The following OR1L8 variants were observed in gnomAD, a reference collection of about 807,000 sequenced individuals.
OR1L8 encodes the protein olfactory receptor 1L8.
For missense variants in OR1L8, 330 were observed against 377.4 expected, an observed-to-expected ratio of 0.87 and a Z score of 1.04; for synonymous variants, 148 against 147.0, an observed-to-expected ratio of 1.01 and a Z score of -0.05.
At chr9:122,556,984 T>C in the OR1L8 span, among the ~76,000 whole-genome samples, 1 of 152,148 alleles carries the variant, frequency 6.6e-6, no homozygotes, top group African/African-American at 2.4e-5. Flanking sequence ...ATCTAACAAA[T>C]TGGGGGCTGC....
chr9:122,558,311 CTTTTTTTTTTTTTTTT>C, the OR1L8 span, among the ~76,000 whole-genome samples: 815 of 34,520 alleles, frequency 0.024, 39 homozygotes, highest in Non-Finnish European at 0.025. Flanking sequence ...TTGGATTTTG[CTTTTTTTTTTTTTTTT>C]TTTTTTTTTT....
chr9:122,580,827 G>A (rs1829730605), intron 1 of OR1L8, among the ~76,000 whole-genome samples: 2 of 151,592 alleles, frequency 1.3e-5, no homozygotes, highest in Non-Finnish European at 1.5e-5. Context: ...CTAGGCTGAA[G>A]CTACTACACT....
the OR1L8 span, chr9:122,554,054 T>C: frequency 6.3e-5 from 102 of 1,613,648 alleles, no homozygotes; most frequent in Admixed American, 1.7e-3. Flanking sequence ...CTGTTCTCTA[T>C]ATGGTGATTA....
chr9:122,551,118 T>A, the OR1L8 span, among the ~76,000 whole-genome samples: 9 of 152,234 alleles, frequency 5.9e-5, no homozygotes, highest in South Asian at 1.4e-3. Flanking sequence ...CTAATAACAA[T>A]CAAGCTGAGA....
chr9:122,581,632 C>T (rs528680440), intron 1 of OR1L8, among the ~76,000 whole-genome samples: 5 of 148,742 alleles, frequency 3.4e-5, no homozygotes, highest in African/African-American at 1.0e-4. Context: ...CAGAGGTAAG[C>T]GAGTGCCAAT....
chr9:122,568,050 A>G lies in OR1L8; in HGVS notation c.428T>C (p.Val143Ala), dbSNP rs562905023. Reference protein sequence around the residue: ...YVTTMSHHHCVLLVAFSCSFP... With the variant: ...YVTTMSHHHCALLVAFSCSFP... ...TGAGCAGGAGAAGGCCACCAGCAGG[A>G]CACAGTGGTGGTGGCTCATGGTGGT... The change falls in exon 5 of 5, where the codon GTC (valine) becomes GCC (alanine). Residue 143 changes from valine to alanine, a missense_variant. Coordinates refer to ENST00000641027, the MANE Select transcript of OR1L8 (RefSeq NM_001004454.2). 1.2e-6 allele frequency: 2 copies of G among 1,613,892 alleles called. No homozygotes were observed. The highest frequency in any genetic ancestry group is 3.3e-5 in the Admixed American group (2 of 60,014).
the OR1L8 span, among the ~76,000 whole-genome samples, chr9:122,548,629 A>G: frequency 6.0e-5 from 9 of 150,840 alleles, no homozygotes; most frequent in African/African-American, 1.9e-4. Flanking sequence ...GTTCTAGGGT[A>G]TGTGTGCACA....
In OR1L8 at chr9:122,567,487, C is replaced by T. The variant is rs1829448661; in HGVS notation, c.*61G>A. 7.9e-7 allele frequency: 1 copy of T among 1,261,668 alleles called. No homozygotes were observed. The highest frequency in any genetic ancestry group is 1.1e-6 in the Non-Finnish European group (1 of 903,730). 78.2% of individuals were successfully genotyped at this position (1,261,668 alleles called of 1,614,324 possible). ...ACAGCTTTGACTGTTCACCAGAAAC[C>T]AGTAGAAAACACGTCCAAGTTGAGC... On this transcript the variant is annotated 3_prime_UTR_variant, in exon 5 of 5. Coordinates refer to ENST00000641027, the MANE Select transcript of OR1L8 (RefSeq NM_001004454.2).
chr9:122,561,039 TC>T, the OR1L8 span, among the ~76,000 whole-genome samples: 150 of 152,346 alleles, frequency 9.8e-4, 2 homozygotes, highest in African/African-American at 3.5e-3. Context: ...TCATTCTTTT[TC>T]CTTTAATCTT....
rs879706096 is a variant in OR1L8, at chr9:122,567,701, G to C, written c.777C>G (p.Val259=). ...VTLFYGSIFC[V]YLQPPSTYAV... ...CGTAGGTGGATGGGGGCTGTAAATA[G>C]ACACAGAAGATGCTTCCATAAAAGA... Residue 259 remains valine (V), a synonymous_variant, in exon 5 of 5, where the codon GTC becomes GTG. Coordinates refer to ENST00000641027, the MANE Select transcript of OR1L8 (RefSeq NM_001004454.2). 2 of 1,614,156 alleles carry C rather than the reference G, an allele frequency of 1.2e-6. No individual in the cohort carries two copies. The highest frequency in any genetic ancestry group is 1.7e-6 in the Non-Finnish European group (2 of 1,180,030).
chr9:122,577,696 C>T (rs920129653), intron 2 of OR1L8, among the ~76,000 whole-genome samples: 4 of 152,088 alleles, frequency 2.6e-5, no homozygotes, highest in Non-Finnish European at 5.9e-5. Flanking sequence ...TGTAAAGTAT[C>T]ACAATAACTC....
the OR1L8 span, chr9:122,554,213 C>CTA: frequency 1.1e-5 from 16 of 1,394,244 alleles, no homozygotes; most frequent in African/African-American, 1.4e-5. Context: ...TCCCTGTCTT[C>CTA]CATCACTTCA....
At chr9:122,569,165 T>C (rs1829494724) in intron 4 of OR1L8, among the ~76,000 whole-genome samples, 1 of 152,258 alleles carries the variant, frequency 6.6e-6, no homozygotes, top group Admixed American at 6.5e-5. Context: ...GAATGAAAGG[T>C]TCATCCTCCC....
At chr9:122,575,434 T>C (rs1344463489) in intron 3 of OR1L8, among the ~76,000 whole-genome samples, 2 of 152,180 alleles carry the variant, frequency 1.3e-5, no homozygotes, top group African/African-American at 4.8e-5. Context: ...TGACATATCA[T>C]GTCTTTCAAA....
downstream of OR1L8, among the ~76,000 whole-genome samples, chr9:122,563,823 G>T (rs1373649437): frequency 1.3e-5 from 2 of 152,074 alleles, no homozygotes; most frequent in Non-Finnish European, 2.9e-5. Flanking sequence ...TTATTCTTTT[G>T]CATACACATA....
chr9:122,574,779 G>T (rs1358595828), intron 3 of OR1L8, among the ~76,000 whole-genome samples: 1 of 152,070 alleles, frequency 6.6e-6, no homozygotes, highest in Non-Finnish European at 1.5e-5. Context: ...AATGTAATGG[G>T]AAAGCTCCTA....
At chr9:122,565,570 C>A (rs1381965907), downstream of OR1L8, among the ~76,000 whole-genome samples, 2 of 152,172 alleles carry the variant, frequency 1.3e-5, no homozygotes, top group Non-Finnish European at 2.9e-5. Flanking sequence ...GCTGAGCCCC[C>A]CAATGGCACC....
intron 4 of OR1L8, among the ~76,000 whole-genome samples, chr9:122,570,794 T>C (rs1829533987): frequency 6.6e-6 from 1 of 151,924 alleles, no homozygotes; most frequent in African/African-American, 2.4e-5. Flanking sequence ...ATTGAGTGAA[T>C]CAGTAATTAA....
chr9:122,549,325 ATGCTGGCACTATCCTT>A, the OR1L8 span, among the ~76,000 whole-genome samples: 1 of 152,162 alleles, frequency 6.6e-6, no homozygotes, highest in Admixed American at 6.6e-5. Context: ...CCAGAAGCAG[ATGCTGGCACTATCCTT>A]TGTGTACAGC....
Sources: gnomAD v4.1 joint callset for allele counts (sites outside exome capture counted in the v4.1 genomes callset) on GRCh38, gnomAD v4.1.1 for gene constraint, MANE v1.5 for transcripts, NCBI Gene and HGNC (gene_info 2026-07-23, HGNC 2026-07-21) for gene names.